GPHN: variants seen among roughly 807,000 people sequenced by gnomAD.
GPHN encodes gephyrin.
GPHN carries 17 observed loss-of-function variants against 95.5 expected under a neutral mutation model. That is an observed-to-expected ratio of 0.18 (90% CI 0.12 to 0.27). The LOEUF (loss-of-function observed/expected upper bound fraction) is 0.27, where lower values mean the gene tolerates loss of function less well. Ranked by LOEUF, GPHN falls within the 10% of genes least tolerant of loss-of-function variation. The pLI, the probability that GPHN is intolerant of heterozygous loss-of-function variation, is 1.00. For synonymous variants in GPHN, 320 were observed against 322.5 expected, an observed-to-expected ratio of 0.99 and a Z score of 0.08; for missense variants, 660 against 978.1, an observed-to-expected ratio of 0.67 and a Z score of 4.34.
At chr14:67,524,178 A>G in the GPHN span, among the ~76,000 whole-genome samples, 1 of 152,096 alleles carries the variant, frequency 6.6e-6, no homozygotes, top group African/African-American at 2.4e-5. Context: ...ATGTTCCCCA[A>G]GTTCCCGGGC....
intron 4 of GPHN, among the ~76,000 whole-genome samples, chr14:66,837,285 T>G (rs995310753): frequency 2.6e-5 from 4 of 151,552 alleles, no homozygotes; most frequent in Non-Finnish European, 5.9e-5. Context: ...TGAGTTCATG[T>G]CCTTTGTAGG....
chr14:67,670,286 T>C, the GPHN span, among the ~76,000 whole-genome samples: 1 of 152,120 alleles, frequency 6.6e-6, no homozygotes, highest in Non-Finnish European at 1.5e-5. Context: ...AATGTCTCAA[T>C]GTGACACTGA....
chr14:67,197,498 C>T, the GPHN span: 1 of 152,216 alleles, frequency 6.6e-6, no homozygotes, highest in South Asian at 2.1e-4. Flanking sequence ...CTTTCTCTCT[C>T]CTGGAGACTT....
chr14:67,720,099 A>G, the GPHN span, among the ~76,000 whole-genome samples: 117 of 152,316 alleles, frequency 7.7e-4, no homozygotes, highest in African/African-American at 2.7e-3. Flanking sequence ...ATCATACTAC[A>G]ATCTTTTTGA....
At chr14:66,683,598 A>G (rs542224793) in intron 2 of GPHN, among the ~76,000 whole-genome samples, 2 of 140,984 alleles carry the variant, frequency 1.4e-5, no homozygotes, top group East Asian at 4.1e-4. Context: ...TGATTCAGGT[A>G]TACTAGATGG....
chr14:66,625,641 G>C (rs2063499210), intron 1 of GPHN, among the ~76,000 whole-genome samples: 2 of 152,030 alleles, frequency 1.3e-5, no homozygotes, highest in African/African-American at 4.8e-5. Context: ...TCCAATGCCT[G>C]TTTGTAATAA....
chr14:66,734,362 A>G (rs1484644782), intron 2 of GPHN, among the ~76,000 whole-genome samples: 1 of 152,094 alleles, frequency 6.6e-6, no homozygotes, highest in Non-Finnish European at 1.5e-5. Context: ...TTTCATTGCA[A>G]GAATAAACCA....
chr14:67,283,130 C>G, the GPHN span, among the ~76,000 whole-genome samples: 1 of 152,000 alleles, frequency 6.6e-6, no homozygotes, highest in African/African-American at 2.4e-5. Context: ...TAGGGGCTTT[C>G]TAATCTATGA....
intron 4 of GPHN, among the ~76,000 whole-genome samples, chr14:66,858,504 A>G (rs776633664): frequency 3.9e-5 from 6 of 151,900 alleles, no homozygotes; most frequent in Middle Eastern, 3.4e-3. Flanking sequence ...GGATCCTCCA[A>G]GGTCCAGCAG....
rs139432663 is a variant in GPHN, at chr14:66,697,745, T to G, written c.143+16560T>G. On this transcript the variant is annotated intron_variant, in intron 2 of 22. Coordinates refer to ENST00000478722, the MANE Select transcript of GPHN (RefSeq NM_020806.5). ...CTCTTTCACTCAGGCTGGAGTGCAGTGGTGCAATCATGGCTTACTGCTGCT... is the reference window on the plus strand; with the variant it reads ...CTCTTTCACTCAGGCTGGAGTGCAGGGGTGCAATCATGGCTTACTGCTGCT... 3.3e-4 allele frequency among the ~76,000 whole-genome samples: 50 copies of G among 151,108 alleles called. No homozygotes were observed. In the East Asian group the frequency reaches 5.5e-3, roughly 17 times the overall value.
At position 66,910,767 on chromosome 14, in the gene GPHN, A is replaced by G. The variant is rs113668697; in HGVS notation, c.390-5236A>G. Among the ~76,000 whole-genome samples, 472 of 152,148 alleles carry G rather than the reference A, an allele frequency of 3.1e-3. 11 individuals are homozygous for G. Among genetic ancestry groups the G allele is most frequent in the African/African-American group, 0.011 (447 of 41,570 alleles). On this transcript the variant is annotated intron_variant, in intron 5 of 22. Coordinates refer to ENST00000478722, the MANE Select transcript of GPHN (RefSeq NM_020806.5). ...CAATATTTATCCTAACTTCCAGGAA[A>G]GCATTCTGATATTTTCTGTTCTGTT... is the stretch of plus-strand genomic sequence containing the variant.
chr14:66,593,142 C>A lies in GPHN; in HGVS notation c.64+84551C>A, dbSNP rs185275847. Among the ~76,000 whole-genome samples, 10 of 152,136 alleles carry A rather than the reference C, an allele frequency of 6.6e-5. No homozygotes were observed. In the East Asian group the frequency reaches 1.5e-3, roughly 24 times the overall value. ...GGCGTGGAATATCACACACTGGGGC[C>A]TGTCTGGGGGTTGTGGGCTAGGGAA... On this transcript the variant is annotated intron_variant, in intron 1 of 22. Transcript: ENST00000478722.
At chr14:67,204,828 G>A in the GPHN span, 261 of 1,613,872 alleles carry the variant, frequency 1.6e-4, 5 homozygotes, top group South Asian at 2.1e-3. Context: ...TCCTGACCCC[G>A]TACATGTATG....
chr14:66,721,629 TA>T (rs2070746563), intron 2 of GPHN, among the ~76,000 whole-genome samples: 1 of 152,270 alleles, frequency 6.6e-6, no homozygotes, highest in Admixed American at 6.5e-5. Flanking sequence ...CTCTCAATGT[TA>T]ATTTAAAGTC....
intron 20 of GPHN, among the ~76,000 whole-genome samples, chr14:67,168,713 G>A (rs2082424959): frequency 1.3e-5 from 2 of 152,142 alleles, no homozygotes; most frequent in Admixed American, 6.5e-5. Context: ...CTTCTGGGCA[G>A]CAGAATTCTC....
intron 4 of GPHN, among the ~76,000 whole-genome samples, chr14:66,839,863 A>AAGACTT (rs2062004517): frequency 6.6e-6 from 1 of 152,110 alleles, no homozygotes; most frequent in Non-Finnish European, 1.5e-5. Flanking sequence ...TGCCATTTTC[A>AAGACTT]AGACTTACTG....
the GPHN span, chr14:67,571,892 C>A: frequency 3.1e-6 from 5 of 1,609,918 alleles, no homozygotes; most frequent in Admixed American, 6.8e-5. Context: ...GCCCCCGGGC[C>A]ATCAAGAGAG....
At chr14:67,348,130 A>C in the GPHN span, among the ~76,000 whole-genome samples, 1 of 151,342 alleles carries the variant, frequency 6.6e-6, no homozygotes, top group Non-Finnish European at 1.5e-5. Context: ...GCTGGAGTAC[A>C]ATGGCGCAAT....
At chr14:67,244,834 T>A in the GPHN span, among the ~76,000 whole-genome samples, 1 of 152,352 alleles carries the variant, frequency 6.6e-6, no homozygotes. Context: ...TATGTTTGCT[T>A]AAGTGGCAAA....
Sources: allele counts gnomAD v4.1 joint callset (sites outside exome capture counted in the v4.1 genomes callset), GRCh38; gene constraint gnomAD v4.1.1; transcripts MANE v1.5; gene names NCBI Gene and HGNC (gene_info 2026-07-23, HGNC 2026-07-21).